Variants in SARDH observed in about 807,000 individuals in gnomAD.
SARDH encodes sarcosine dehydrogenase, mitochondrial.
Under a neutral mutation model 109.1 loss-of-function variants are expected in SARDH, and 95 were observed. The ratio of observed to expected loss-of-function variants is 0.87; its 90% confidence interval spans 0.74 to 1.03. The LOEUF is 1.03. Ranked by LOEUF, SARDH falls within the 50% of genes least tolerant of loss-of-function variation. The pLI, the probability that SARDH is intolerant of heterozygous loss-of-function variation, is 0.00. For synonymous variants in SARDH, 572 were observed against 534.8 expected (o/e 1.07, Z -0.96); for missense variants, 1,267 against 1,287.8 (o/e 0.98, Z 0.25).
chr9:133,701,184 AC>A (rs1831471237), intron 13 of SARDH, among the ~76,000 whole-genome samples: 1 of 152,208 alleles, frequency 6.6e-6, no homozygotes, highest in Admixed American at 6.5e-5. Flanking sequence ...TCATTGGCGG[AC>A]TGGATTGAAA....
rs1830052903 is a variant in SARDH at position 133,666,016 on chromosome 9, C to A, written c.2631+719G>T. Among the ~76,000 whole-genome samples, 2 of 152,238 alleles carry A rather than the reference C, an allele frequency of 1.3e-5. No homozygotes were observed. The highest frequency in any genetic ancestry group is 4.1e-4 in the South Asian group (2 of 4,832). On this transcript the variant is annotated intron_variant, in intron 20 of 20. Coordinates refer to ENST00000439388, the MANE Select transcript of SARDH (RefSeq NM_001134707.2). The surrounding 1 kb of genome is among the most constrained non-coding windows in gnomAD (Gnocchi z 5.2). The stretch of plus-strand genomic sequence containing the variant: ...AAAAGGAGGTGGAGGTAGAGACCAC[C>A]CCTTCCCCTTCTGGGGAGGCTGCCC...
intron 19 of SARDH, among the ~76,000 whole-genome samples, chr9:133,668,293 C>CCCCTCAT (rs1830148447): frequency 7.6e-6 from 1 of 131,976 alleles, no homozygotes; most frequent in Non-Finnish European, 1.6e-5. Context: ...CCCTCCCTCT[C>CCCCTCAT]CCTCCCTCTC....
intron 16 of SARDH, among the ~76,000 whole-genome samples, chr9:133,689,844 C>T (rs941115706): frequency 6.6e-6 from 1 of 152,186 alleles, no homozygotes; most frequent in Admixed American, 6.5e-5. Context: ...TGGCTGTGTG[C>T]ATGAGCCAGC....
Position 133,670,669 on chromosome 9 carries a change from G to A in SARDH, c.2410C>T (p.Pro804Ser), listed in dbSNP as rs779857322. Residue 804 changes from proline (P) to serine (S), a missense_variant, in exon 19 of 21, where the codon CCG becomes TCG. Transcript: ENST00000439388. ...GLAFTCKLKS[P>S]VPFLGREALE... ...GCCTCCCTCCCCAGGAAGGGCACCGGCGACTTGAGCTTGCAGGTGAAGGCC... is the reference window on the plus strand; with the variant it reads ...GCCTCCCTCCCCAGGAAGGGCACCGACGACTTGAGCTTGCAGGTGAAGGCC... The A allele has an allele frequency of 1.9e-6, 3 of 1,603,650 alleles. No homozygotes were observed. Among genetic ancestry groups the A allele is most frequent in the Admixed American group, 3.4e-5 (2 of 58,782 alleles).
chr9:133,694,711 C>T (rs765197418), intron 14 of SARDH, among the ~76,000 whole-genome samples: 7 of 152,226 alleles, frequency 4.6e-5, no homozygotes, highest in Non-Finnish European at 8.8e-5. Flanking sequence ...TCATGCCCCC[C>T]GTTCATTCTG....
downstream of SARDH, among the ~76,000 whole-genome samples, chr9:133,661,627 G>A (rs914772433): frequency 1.3e-5 from 2 of 151,992 alleles, no homozygotes; most frequent in African/African-American, 4.8e-5. Flanking sequence ...GATTACAGGC[G>A]TGTGCCACCA....
intron 17 of SARDH, among the ~76,000 whole-genome samples, chr9:133,677,491 C>T (rs371887939): frequency 5.3e-5 from 8 of 152,284 alleles, no homozygotes; most frequent in African/African-American, 1.9e-4. Context: ...GTGAGGGGAA[C>T]TCTGCCTCCT....
chr9:133,719,548 G>A (rs563546555), intron 6 of SARDH, among the ~76,000 whole-genome samples: 25 of 152,206 alleles, frequency 1.6e-4, no homozygotes, highest in African/African-American at 3.1e-4. Flanking sequence ...GGGGTGATGC[G>A]CTTGCTCATG....
At position 133,725,726 on chromosome 9, in the gene SARDH, A is replaced by G. The variant is rs545303304; in HGVS notation, c.915+4039T>C. On this transcript the variant is annotated intron_variant, in intron 6 of 20. Coordinates refer to ENST00000439388, the MANE Select transcript of SARDH (RefSeq NM_001134707.2). ...ACAAAAAAGCAGTGTTTACATCATC[A>G]TAATATTGCAGAGAGGAACCACTGA... is the stretch of plus-strand genomic sequence containing the variant. 137 of 250,154 alleles carry G rather than the reference A, an allele frequency of 5.5e-4. 1 individual carries two copies. The highest frequency in any genetic ancestry group is 3.1e-3 in the African/African-American group (136 of 44,048). The allele number at this position is 250,154 out of a possible 1,614,324, so 15.5% of individuals were successfully genotyped here.
intron 6 of SARDH, among the ~76,000 whole-genome samples, chr9:133,724,721 A>T (rs895180863): frequency 2.0e-5 from 3 of 150,668 alleles, no homozygotes; most frequent in Non-Finnish European, 4.4e-5. Flanking sequence ...CACATTTTTA[A>T]TTTTTTTTTT....
rs148790456 is a variant in SARDH, at chr9:133,724,306, C to T, written c.916-5264G>A. Among the ~76,000 whole-genome samples the T allele has an allele frequency of 4.3e-3, 653 of 152,276 alleles. 3 individuals are homozygous for T. Among genetic ancestry groups the T allele is most frequent in the Non-Finnish European group, 7.0e-3 (474 of 68,014 alleles). On this transcript the variant is annotated intron_variant, in intron 6 of 20. Coordinates refer to ENST00000439388, the MANE Select transcript of SARDH (RefSeq NM_001134707.2). The stretch of plus-strand genomic sequence containing the variant: ...ATCCAGAATATTTAAGGAACTCCTA[C>T]AACTCAATAAAAAGATAAGCAACCC...
chr9:133,714,797 G>A (rs1350678897), intron 8 of SARDH, among the ~76,000 whole-genome samples: 2 of 152,168 alleles, frequency 1.3e-5, no homozygotes, highest in African/African-American at 4.8e-5. Context: ...GATTGGGGAG[G>A]TAACCTGGGC....
At position 133,666,015 on chromosome 9, in the gene SARDH, C is replaced by A. The variant is rs948163570; in HGVS notation, c.2631+720G>T. 6.6e-6 allele frequency among the ~76,000 whole-genome samples: 1 copy of A among 152,222 alleles called. No individual in the cohort carries two copies. Among genetic ancestry groups the A allele is most frequent in the Non-Finnish European group, 1.5e-5 (1 of 68,044 alleles). On this transcript the variant is annotated intron_variant, in intron 20 of 20. Coordinates refer to ENST00000439388, the MANE Select transcript of SARDH (RefSeq NM_001134707.2). This position sits in a 1 kb window ranked among gnomAD's most constrained non-coding sequence, Gnocchi z 5.2. The stretch of plus-strand genomic sequence containing the variant: ...GAAAAGGAGGTGGAGGTAGAGACCA[C>A]CCCTTCCCCTTCTGGGGAGGCTGCC...
chr9:133,666,739 C>A lies in SARDH; in HGVS notation c.2627G>T (p.Gly876Val), dbSNP rs772972360. 1.9e-6 allele frequency: 3 copies of A among 1,590,272 alleles called. No individual in the cohort carries two copies. Among genetic ancestry groups the A allele is most frequent in the Non-Finnish European group, 2.6e-6 (3 of 1,168,788 alleles). ...AYGYIHDPSG[G>V]PVSLDFVKSG... ...GGGCCAGAGAAGGGGACTCACCGGCCCACCGCTGGGGTCATGGATGTAACC... is the reference window on the plus strand; with the variant it reads ...GGGCCAGAGAAGGGGACTCACCGGCACACCGCTGGGGTCATGGATGTAACC... Residue 876 changes from glycine to valine, a missense_variant, in exon 20 of 21, where the codon GGG becomes GTG. By Grantham distance (109) the Gly-to-Val change is moderately radical (BLOSUM62 -3). Transcript: ENST00000439388. This position sits in a 1 kb window ranked among gnomAD's most constrained non-coding sequence, Gnocchi z 5.2.
At position 133,703,024 on chromosome 9, in the gene SARDH, G is replaced by A. The variant is rs769094394; in HGVS notation, c.1560C>T (p.Leu520=). The change falls in exon 13 of 21, where the codon CTC becomes CTT. Residue 520 remains leucine (L), a synonymous_variant. Transcript: ENST00000439388. ...WFHPRGPAPV[L]EYDYYGAYGS... ...CGTAAGCCCCGTAGTAGTCGTACTC[G>A]AGGACCTGGGAAGAAAAGACGTGGT... 8 of 1,612,448 alleles carry A rather than the reference G, an allele frequency of 5.0e-6. No homozygotes were observed. The highest frequency in any genetic ancestry group is 1.7e-5 in the Admixed American group (1 of 59,928).
intron 17 of SARDH, among the ~76,000 whole-genome samples, chr9:133,679,548 G>A (rs1321814038): frequency 6.6e-6 from 1 of 152,232 alleles, no homozygotes; most frequent in Non-Finnish European, 1.5e-5. Context: ...GGGGCCCTGG[G>A]AACACCGTGT....
chr9:133,701,177 T>C (rs542503625), intron 13 of SARDH, among the ~76,000 whole-genome samples: 3 of 152,344 alleles, frequency 2.0e-5, no homozygotes, highest in South Asian at 4.1e-4. Context: ...TGATGCCTCA[T>C]TGGCGGACTG....
chr9:133,731,126 C>G (rs1214262861), intron 4 of SARDH, among the ~76,000 whole-genome samples, 179 bp downstream of exon 4: 4 of 152,220 alleles, frequency 2.6e-5, no homozygotes, highest in Non-Finnish European at 5.9e-5. Context: ...GTGAACAGAA[C>G]GAAGGCATAG....
In SARDH at chr9:133,733,991, C is replaced by T. The variant is rs770017223; in HGVS notation, c.183G>A (p.Arg61=). 7.3e-5 allele frequency: 118 copies of T among 1,612,546 alleles called. No individual in the cohort carries two copies. Among genetic ancestry groups the T allele is most frequent in the Non-Finnish European group, 1.9e-5 (23 of 1,179,798 alleles). ...GTSVVAQGPS[R]PLPSTANVVV... Reference sequence around the variant, plus strand: ...CCACGTTGGCCGTGCTGGGCAGGGGCCGGCTTGGGCCTTGGGCCACCACCG... The same window carrying T: ...CCACGTTGGCCGTGCTGGGCAGGGGTCGGCTTGGGCCTTGGGCCACCACCG... The change falls in exon 2 of 21, where the codon CGG becomes CGA. Residue 61 remains arginine, a synonymous_variant. Coordinates refer to ENST00000439388, the MANE Select transcript of SARDH (RefSeq NM_001134707.2).
Sources: gnomAD v4.1 joint callset for allele counts (sites outside exome capture counted in the v4.1 genomes callset) on GRCh38, gnomAD v4.1.1 for gene constraint, Gnocchi (gnomAD v3.1) non-coding constraint, MANE v1.5 for transcripts, NCBI Gene and HGNC (gene_info 2026-07-23, HGNC 2026-07-21) for gene names.